MLLT6: variants seen among roughly 807,000 people sequenced by gnomAD.
The protein encoded by MLLT6 is MLLT6, PHD finger containing.
MLLT6 carries 22 observed loss-of-function variants against 103.0 expected under a neutral mutation model. The ratio of observed to expected loss-of-function variants is 0.21; its 90% CI spans 0.15 to 0.31. The LOEUF is 0.31. Ranked by LOEUF, MLLT6 falls within the 10% of genes least tolerant of loss-of-function variation. The pLI is 1.00. For missense variants in MLLT6, 1,199 were observed against 1,441.7 expected (o/e 0.83, Z 2.73); for synonymous variants, 606 against 623.5 (o/e 0.97, Z 0.42).
Position 38,720,686 on chromosome 17 carries a change from G to T in MLLT6, c.2381G>T (p.Ser794Ile), listed in dbSNP as rs774474730. Residue 794 changes from serine to isoleucine, a missense_variant, in exon 16 of 20, where the codon AGC (serine) becomes ATC (isoleucine). Transcript: ENST00000621332. Reference protein sequence around the residue: ...QAGSSDSLSTSKSPPGKSSLG... With the variant: ...QAGSSDSLSTIKSPPGKSSLG... ...GGCAGCAGCGACTCCTTGAGCACCA[G>T]CAAGAGCCCTCCGGGAAAGAGCAGC... The T allele has an allele frequency of 6.2e-7, 1 of 1,613,748 alleles. No homozygotes were observed. The highest frequency in any genetic ancestry group is 1.3e-5 in the African/African-American group (1 of 74,940).
At chr17:38,713,351 C>T (rs1393785420) in intron 8 of MLLT6, 9 of 371,998 alleles carry the variant, frequency 2.4e-5, no homozygotes, top group African/African-American at 4.2e-5. Flanking sequence ...TCTGGCTGAG[C>T]GATAGGCAGG....
intron 1 of MLLT6, 102 bp downstream of exon 1, chr17:38,705,843 T>G: frequency 3.0e-6 from 1 of 338,348 alleles, no homozygotes; most frequent in Non-Finnish European, 5.0e-6. Flanking sequence ...CGCGCGCCCC[T>G]CCCCCACCCC....
In MLLT6 at chr17:38,724,608, G is replaced by A; in HGVS notation, c.2884-12G>A. Reference sequence around the variant, plus strand: ...GGACTGTTGGCCAACAAGCGGTCTGGCCCCCTTGCAGGAACACCAGACTGT... The same window carrying A: ...GGACTGTTGGCCAACAAGCGGTCTGACCCCCTTGCAGGAACACCAGACTGT... On this transcript the variant is annotated splice_polypyrimidine_tract_variant and intron_variant, in intron 18 of 19. Coordinates refer to ENST00000621332, the MANE Select transcript of MLLT6 (RefSeq NM_005937.4). This position sits in a 1 kb window ranked among gnomAD's most constrained non-coding sequence, Gnocchi z 5.4. 2 of 1,568,218 alleles carry A rather than the reference G, an allele frequency of 1.3e-6. No individual in the cohort carries two copies. The highest frequency in any genetic ancestry group is 1.7e-6 in the Non-Finnish European group (2 of 1,152,892).
intron 7 of MLLT6, among the ~76,000 whole-genome samples, chr17:38,712,486 C>T (rs1004577020): frequency 6.6e-6 from 1 of 152,132 alleles, no homozygotes; most frequent in Admixed American, 6.5e-5. Flanking sequence ...TTTTAGCAGG[C>T]GGGGCCGGGG....
chr17:38,707,672 T>C, intron 3 of MLLT6, 91 bp from the exon 4 acceptor site: 1 of 1,233,322 alleles, frequency 8.1e-7, no homozygotes. Context: ...GGGAAGGCTG[T>C]GGAGGAGGGA....
rs1905676563 is a variant in MLLT6 at position 38,720,692 on chromosome 17, G to A, written c.2387G>A (p.Ser796Asn). Residue 796 changes from serine (S) to asparagine (N), a missense_variant, in exon 16 of 20, where the codon AGC becomes AAC. Transcript: ENST00000621332. ...AGCGACTCCTTGAGCACCAGCAAGA[G>A]CCCTCCGGGAAAGAGCAGCCTCGGC... is the stretch of plus-strand genomic sequence containing the variant. ...GSSDSLSTSK[S>N]PPGKSSLGLD... 6.2e-7 allele frequency: 1 copy of A among 1,613,782 alleles called. No individual in the cohort carries two copies. Among genetic ancestry groups the A allele is most frequent in the African/African-American group, 1.3e-5 (1 of 74,942 alleles).
intron 10 of MLLT6, 32 bp from the exon 11 acceptor site, chr17:38,717,400 C>T (rs776927874): frequency 2.0e-6 from 3 of 1,529,436 alleles, no homozygotes; most frequent in Admixed American, 4.1e-5. Flanking sequence ...TGGAGAGTAA[C>T]CACGTGCTTC....
At position 38,716,467 on chromosome 17, in the gene MLLT6, C is replaced by T. The variant is rs1905349266; in HGVS notation, c.1137C>T (p.Ala379=). Residue 379 remains alanine (A), a synonymous_variant, in exon 10 of 20, where the codon GCC becomes GCT. Transcript: ENST00000621332. The surrounding 1 kb of genome is among the most constrained non-coding windows in gnomAD (Gnocchi z 5.6). ...AGCCCACAGCCCCCGCCCCTTCAGCCCCTCCTTCTCCCTCAGCTCCCGAGC... is the reference window on the plus strand; with the variant it reads ...AGCCCACAGCCCCCGCCCCTTCAGCTCCTCCTTCTCCCTCAGCTCCCGAGC... ...YSKPTAPAPS[A]PPSPSAPEPP... is the part of the protein sequence containing the mutation. The T allele has an allele frequency of 1.9e-6, 3 of 1,614,078 alleles. No homozygotes were observed. Among genetic ancestry groups the T allele is most frequent in the Non-Finnish European group, 2.5e-6 (3 of 1,179,966 alleles).
chr17:38,709,045 C>T lies in MLLT6; in HGVS notation c.355-128C>T. On this transcript the variant is annotated intron_variant, in intron 4 of 19. Transcript: ENST00000621332. The surrounding 1 kb of genome is among the most constrained non-coding windows in gnomAD (Gnocchi z 4.3). The stretch of plus-strand genomic sequence containing the variant: ...AGACCATAGAGCGTTTTCATCACTG[C>T]AGACAGTTCTGTGGGATAGCACTGA... The T allele has an allele frequency of 1.4e-6, 1 of 726,362 alleles. No individual in the cohort carries two copies. Among genetic ancestry groups the T allele is most frequent in the East Asian group, 2.5e-5 (1 of 40,340 alleles). The allele number at this position is 726,362 out of a possible 1,614,324, so 45.0% of individuals were successfully genotyped here. A position where few individuals can be genotyped will look rare whatever the true frequency, so the allele number is the denominator to read the frequency against.
chr17:38,725,797 C>G lies in MLLT6; in HGVS notation c.*199C>G. 1 of 545,370 alleles carries G rather than the reference C, an allele frequency of 1.8e-6. No individual in the cohort carries two copies. 33.8% of individuals were successfully genotyped at this position (545,370 alleles called of 1,614,324 possible). On this transcript the variant is annotated 3_prime_UTR_variant, in exon 20 of 20. Transcript: ENST00000621332. ...GGAGCCCCCTCCATCTGGCCCCCTT[C>G]CCTTTCCGCACTGTCCGCTTTGTGA... is the stretch of plus-strand genomic sequence containing the variant.
At position 38,709,658 on chromosome 17, in the gene MLLT6, T is replaced by TG; in HGVS notation, c.552+84dup. 1.9e-6 allele frequency: 2 copies of TG among 1,064,900 alleles called. No homozygotes were observed. The highest frequency in any genetic ancestry group is 2.9e-6 in the Non-Finnish European group (2 of 691,628). The allele number at this position is 1,064,900 out of a possible 1,614,324, so 66.0% of individuals were successfully genotyped here. ...GGGCATGGGCTCTGGGCCAGGCCAG[T>TG]GCCTGGTGCTAGGAGGACAGAGAGG... On this transcript the variant is annotated intron_variant, in intron 6 of 19. Transcript: ENST00000621332. The surrounding 1 kb of genome is among the most constrained non-coding windows in gnomAD (Gnocchi z 4.3).
Position 38,726,363 on chromosome 17 carries a change from G to A in MLLT6, c.*765G>A, listed in dbSNP as rs889585559. 8.7e-6 allele frequency: 2 copies of A among 230,284 alleles called. No homozygotes were observed. Among genetic ancestry groups the A allele is most frequent in the African/African-American group, 2.3e-5 (1 of 43,474 alleles). 14.3% of individuals were successfully genotyped at this position (230,284 alleles called of 1,614,324 possible). ...CCCGTCTCAGTGTGTGAGTGTGTGT[G>A]TGCGTGCATGTGTGTGTGTGTGTGT... On this transcript the variant is annotated 3_prime_UTR_variant, in exon 20 of 20. Coordinates refer to ENST00000621332, the MANE Select transcript of MLLT6 (RefSeq NM_005937.4).
chr17:38,720,374 G>T lies in MLLT6; in HGVS notation c.2158G>T (p.Val720Leu). The T allele has an allele frequency of 6.3e-7, 1 of 1,588,754 alleles. No individual in the cohort carries two copies. The highest frequency in any genetic ancestry group is 8.6e-7 in the Non-Finnish European group (1 of 1,168,490). Residue 720 changes from valine to leucine, a missense_variant and splice_region_variant, in exon 15 of 20, where the codon GTG (valine) becomes TTG (leucine). Physicochemically the swap from Val to Leu is conservative, Grantham distance 32. Coordinates refer to ENST00000621332, the MANE Select transcript of MLLT6 (RefSeq NM_005937.4). ...QGDGEAGVNI[V>L]EMLKALHALQ... is the part of the protein sequence containing the mutation. ...CAGGTTCCTCGCTCTCTCCGCAGTC[G>T]TGGAGATGCTGAAGGCGCTGCACGC... is the stretch of plus-strand genomic sequence containing the variant.
At position 38,705,689 on chromosome 17, in the gene MLLT6, G is replaced by T. The variant is rs1200137336; in HGVS notation, c.57G>T (p.Glu19Asp). ...CVCSDERGWAENPLVYCDGHA... is the reference protein window; with the variant it reads ...CVCSDERGWADNPLVYCDGHA... ...GTTCGGACGAGAGGGGCTGGGCCGA[G>T]AACCCGCTGGTCTACTGCGATGGGC... The change falls in exon 1 of 20, where the codon GAG becomes GAT. Residue 19 changes from glutamate to aspartate, a missense_variant. By Grantham distance (45) the Glu-to-Asp change is conservative. This residue lies in a region of MLLT6 where 24 missense variants were observed against 38.7 expected (regional missense o/e 0.62). Transcript: ENST00000621332. The T allele has an allele frequency of 6.4e-7, 1 of 1,569,378 alleles. No individual in the cohort carries two copies. The highest frequency in any genetic ancestry group is 1.8e-5 in the Admixed American group (1 of 56,794).
rs1044687538 is a variant in MLLT6 at position 38,705,391 on chromosome 17, G to GC, written c.-239dup. On this transcript the variant is annotated 5_prime_UTR_variant, in exon 1 of 20. Coordinates refer to ENST00000621332, the MANE Select transcript of MLLT6 (RefSeq NM_005937.4). ...TGCGAGTCTCATTGTTGTGGGGGGGGCCCGTCGGGGCATGAGGGCGAGAGC... is the reference window on the plus strand; with the variant it reads ...TGCGAGTCTCATTGTTGTGGGGGGGGCCCCGTCGGGGCATGAGGGCGAGAGC... Among the ~76,000 whole-genome samples the GC allele has an allele frequency of 1.3e-5, 2 of 150,764 alleles. No homozygotes were observed. Among genetic ancestry groups the GC allele is most frequent in the African/African-American group, 4.8e-5 (2 of 41,270 alleles).
Position 38,724,966 on chromosome 17 carries a change from C to T in MLLT6, c.3230C>T (p.Pro1077Leu), listed in dbSNP as rs1267462392. Residue 1077 changes from proline (P) to leucine (L), a missense_variant, in exon 19 of 20, where the codon CCC (proline) becomes CTC (leucine). Coordinates refer to ENST00000621332, the MANE Select transcript of MLLT6 (RefSeq NM_005937.4). The surrounding 1 kb of genome is among the most constrained non-coding windows in gnomAD (Gnocchi z 5.4). ...LSGAEGSGGGPKGGTADKGAS... is the reference protein window; with the variant it reads ...LSGAEGSGGGLKGGTADKGAS... ...GGAGCAGAGGGCAGTGGCGGTGGCC[C>T]CAAAGGAGGGGTGAGTAAGGGGCCC... 4 of 1,534,888 alleles carry T rather than the reference C, an allele frequency of 2.6e-6. No homozygotes were observed. The highest frequency in any genetic ancestry group is 1.4e-5 in the African/African-American group (1 of 72,708).
chr17:38,712,881 T>G, intron 8 of MLLT6, 92 bp downstream of exon 8: 1 of 874,824 alleles, frequency 1.1e-6, no homozygotes, highest in Non-Finnish European at 1.9e-6. Context: ...GTCAGGGACC[T>G]GGGCACCCTC....
intron 8 of MLLT6, 173 bp from the exon 9 acceptor site, chr17:38,715,439 C>A: frequency 8.7e-7 from 1 of 1,143,746 alleles, no homozygotes; most frequent in Non-Finnish European, 1.2e-6. Flanking sequence ...GCTGCCTCCC[C>A]ATATCCCTGG....
chr17:38,711,987 C>T lies in MLLT6; in HGVS notation c.693C>T (p.Pro231=). 6.3e-7 allele frequency: 1 copy of T among 1,599,568 alleles called. No individual in the cohort carries two copies. The highest frequency in any genetic ancestry group is 8.5e-7 in the Non-Finnish European group (1 of 1,171,910). The change falls in exon 7 of 20, where the codon CCC becomes CCT. Residue 231 remains proline, a synonymous_variant. Coordinates refer to ENST00000621332, the MANE Select transcript of MLLT6 (RefSeq NM_005937.4). ...ASPSTQQEKH[P]THHERGQKKS... is the part of the protein sequence containing the mutation. The stretch of plus-strand genomic sequence containing the variant: ...CATCCACGCAGCAGGAGAAGCACCC[C>T]ACCCACCACGAGAGGGGCCAGAAGA...
Sources: gnomAD v4.1 joint callset for allele counts (sites outside exome capture counted in the v4.1 genomes callset) on GRCh38, gnomAD v4.1.1 for gene constraint, gnomAD v4.1.1 regional missense constraint, Gnocchi (gnomAD v3.1) non-coding constraint, MANE v1.5 for transcripts, NCBI Gene and HGNC (gene_info 2026-07-23, HGNC 2026-07-21) for gene names.